Variants in FEZ2 observed in about 807,000 individuals in gnomAD.
The protein encoded by FEZ2 is fasciculation and elongation protein zeta 2.
Under a neutral mutation model 40.4 loss-of-function variants are expected in FEZ2, and 51 were observed. That is an observed-to-expected ratio of 1.26 (90% CI 1.01 to 1.59). The LOEUF (loss-of-function observed/expected upper bound fraction) is 1.59. Ranked by LOEUF, FEZ2 falls within the 40% of genes most tolerant of loss-of-function variation. The probability of loss-of-function intolerance (pLI) is 0.00; values close to 1 mark genes in which losing one functional copy is unlikely to be tolerated. For missense variants in FEZ2, 640 were observed against 438.3 expected (o/e 1.46, Z -4.11); for synonymous variants, 242 against 172.0 (o/e 1.41, Z -3.18).
intron 5 of FEZ2, among the ~76,000 whole-genome samples, chr2:36,567,175 G>A (rs1184317710): frequency 6.6e-6 from 1 of 151,992 alleles, no homozygotes; most frequent in Admixed American, 6.6e-5. Flanking sequence ...AGCTGAGGCT[G>A]TGACACTCCT....
chr2:36,597,258 G>A (rs867579275), intron 1 of FEZ2, among the ~76,000 whole-genome samples: 1 of 151,944 alleles, frequency 6.6e-6, no homozygotes, highest in Middle Eastern at 3.4e-3. Flanking sequence ...CCACCTGCCA[G>A]GCACACTCCC....
At chr2:36,561,714 G>A (rs1427542266) in intron 5 of FEZ2, among the ~76,000 whole-genome samples, 2 of 152,100 alleles carry the variant, frequency 1.3e-5, no homozygotes, top group Admixed American at 1.3e-4. Context: ...GACTAATTAA[G>A]GGGAAAGGCT....
intron 5 of FEZ2, among the ~76,000 whole-genome samples, chr2:36,566,984 T>A (rs934831655): frequency 1.3e-5 from 2 of 152,034 alleles, no homozygotes; most frequent in African/African-American, 2.4e-5. Context: ...TAGGACTAAA[T>A]AAATGAGTGC....
rs960721244 is a variant in FEZ2 at position 36,581,299 on chromosome 2, A to G, written c.625T>C (p.Tyr209His). 2.5e-6 allele frequency: 4 copies of G among 1,613,710 alleles called. No homozygotes were observed. Among genetic ancestry groups the G allele is most frequent in the Non-Finnish European group, 3.4e-6 (4 of 1,179,760 alleles). Residue 209 changes from tyrosine (Y) to histidine (H), a missense_variant, in exon 4 of 8, where the codon TAT (tyrosine) becomes CAT (histidine). Coordinates refer to ENST00000405912, the MANE Select transcript of FEZ2 (RefSeq NM_005102.3). ...CAGCAGGCTCCCTTACTCTCTTCAT[A>G]ACTGCCGGTACTAGACCTCTTGAGA... The part of the protein sequence containing the change: ...QTLKRSSTGS[Y>H]EERVKRLSVS...
intron 5 of FEZ2, among the ~76,000 whole-genome samples, chr2:36,561,654 G>A (rs1668095143): frequency 1.3e-5 from 2 of 152,288 alleles, no homozygotes; most frequent in Middle Eastern, 3.4e-3. Context: ...GCGTCTGGTG[G>A]CACCTCTATG....
At position 36,581,232 on chromosome 2, in the gene FEZ2, T is replaced by C. The variant is rs1464466351; in HGVS notation, c.634+58A>G. On this transcript the variant is annotated intron_variant, in intron 4 of 7. Coordinates refer to ENST00000405912, the MANE Select transcript of FEZ2 (RefSeq NM_005102.3). Reference sequence around the variant, plus strand: ...CAAAGCTTTCTGGAGATGATCATACTATACATTTGATACAGACAAAAAGCA... The same window carrying C: ...CAAAGCTTTCTGGAGATGATCATACCATACATTTGATACAGACAAAAAGCA... 1.3e-5 allele frequency: 20 copies of C among 1,485,196 alleles called. No homozygotes were observed. The East Asian group carries it at 2.0e-4, about 15-fold the overall frequency. 92.0% of individuals were successfully genotyped at this position (1,485,196 alleles called of 1,614,324 possible).
intron 1 of FEZ2, among the ~76,000 whole-genome samples, chr2:36,596,697 G>A (rs927995501): frequency 3.3e-5 from 5 of 152,104 alleles, no homozygotes; most frequent in African/African-American, 1.2e-4. Flanking sequence ...CGAACTGCTG[G>A]AAGCAAGCCA....
At chr2:36,564,083 T>C (rs13406184) in intron 5 of FEZ2, among the ~76,000 whole-genome samples, 49,328 of 152,074 alleles carry the variant, frequency 0.32, 8,262 homozygotes, top group Middle Eastern at 0.51. Flanking sequence ...CATAAATTGA[T>C]AGCTCCACTT....
chr2:36,558,521 G>C lies in FEZ2; in HGVS notation c.904-8C>G. On this transcript the variant is annotated splice_region_variant and splice_polypyrimidine_tract_variant and intron_variant, in intron 5 of 7. Coordinates refer to ENST00000405912, the MANE Select transcript of FEZ2 (RefSeq NM_005102.3). ...AATGACTGTAGTCAAATACTGCCAA[G>C]TTTAAAAAAAAAAAGTGTCACTTAA... 1 of 1,435,946 alleles carries C rather than the reference G, an allele frequency of 7.0e-7. No individual in the cohort carries two copies. Among genetic ancestry groups the C allele is most frequent in the Non-Finnish European group, 9.3e-7 (1 of 1,077,926 alleles). 89.0% of individuals were successfully genotyped at this position (1,435,946 alleles called of 1,614,324 possible).
rs1667855353 is a variant in FEZ2 at position 36,552,916 on chromosome 2, T to C, written c.*247A>G. 4.1e-6 allele frequency: 2 copies of C among 491,476 alleles called. No homozygotes were observed. Among genetic ancestry groups the C allele is most frequent in the South Asian group, 3.6e-5 (1 of 27,910 alleles). The allele number at this position is 491,476 out of a possible 1,614,324, so 30.4% of individuals were successfully genotyped here. A position where few individuals can be genotyped will look rare whatever the true frequency, so the allele number is the denominator to read the frequency against. On this transcript the variant is annotated 3_prime_UTR_variant, in exon 8 of 8. Transcript: ENST00000405912. Reference sequence around the variant, plus strand: ...ATGCACAATTAATATTACTCTCTCTTAATCTACTAAGAGAACAGTTTATTA... The same window carrying C: ...ATGCACAATTAATATTACTCTCTCTCAATCTACTAAGAGAACAGTTTATTA...
At chr2:36,594,776 G>C (rs1387749407) in intron 1 of FEZ2, among the ~76,000 whole-genome samples, 2 of 152,186 alleles carry the variant, frequency 1.3e-5, no homozygotes, top group African/African-American at 4.8e-5. Context: ...AGTTTGCTTT[G>C]TCTGCTGATT....
At chr2:36,596,551 G>A (rs1669228767) in intron 1 of FEZ2, among the ~76,000 whole-genome samples, 1 of 152,212 alleles carries the variant, frequency 6.6e-6, no homozygotes, top group South Asian at 2.1e-4. Context: ...TCGCCTCCAG[G>A]ACTCAAGCAA....
At chr2:36,595,594 C>A (rs559533558) in intron 1 of FEZ2, among the ~76,000 whole-genome samples, 1 of 152,190 alleles carries the variant, frequency 6.6e-6, no homozygotes, top group African/African-American at 2.4e-5. Flanking sequence ...AGTTCCAGTA[C>A]CGGTCTGTGG....
chr2:36,575,280 G>A (rs1668529427), intron 5 of FEZ2, among the ~76,000 whole-genome samples: 2 of 152,126 alleles, frequency 1.3e-5, no homozygotes, highest in South Asian at 4.1e-4. Flanking sequence ...AACCTCCTGG[G>A]CTCAAGCAAT....
chr2:36,582,772 A>C (rs1668789943), intron 3 of FEZ2, among the ~76,000 whole-genome samples: 1 of 152,206 alleles, frequency 6.6e-6, no homozygotes, highest in African/African-American at 2.4e-5. Context: ...CCGAGTAGCC[A>C]TGGAACATTT....
chr2:36,583,259 G>A (rs184531265), intron 3 of FEZ2, 94 bp downstream of exon 3: 13 of 701,078 alleles, frequency 1.9e-5, no homozygotes, highest in Non-Finnish European at 2.8e-5. Flanking sequence ...GGAAAGATAA[G>A]TAAACCAACA....
Position 36,598,109 on chromosome 2 carries a change from CAT to C in FEZ2, c.32_33del (p.Tyr11Ter), listed in dbSNP as rs1474462096. The C allele has an allele frequency of 8.7e-6, 13 of 1,490,802 alleles. No homozygotes were observed. The highest frequency in any genetic ancestry group is 1.5e-5 in the African/African-American group (1 of 68,158). The allele number at this position is 1,490,802 out of a possible 1,614,324, so 92.3% of individuals were successfully genotyped here. A position where few individuals can be genotyped will look rare whatever the true frequency, so the allele number is the denominator to read the frequency against. Reference sequence around the variant, plus strand: ...AGGCTCCGGGCCGGCTCCTGGAACTCATAGAAATCCTGCCAGTCCCCGTCCGC... The same window carrying C: ...AGGCTCCGGGCCGGCTCCTGGAACTCAGAAATCCTGCCAGTCCCCGTCCGC... MAADGDWQDF[Y>X]EFQEPARSLL... On this transcript the variant is annotated frameshift_variant, in exon 1 of 8. Transcript: ENST00000405912. LOFTEE classifies it high-confidence loss of function.
chr2:36,594,961 C>G (rs1159717391), intron 1 of FEZ2, among the ~76,000 whole-genome samples: 4 of 152,322 alleles, frequency 2.6e-5, no homozygotes, highest in African/African-American at 4.8e-5. Flanking sequence ...TGAAAGATTT[C>G]TAGAATTCTG....
chr2:36,589,417 G>A (rs1034780469), intron 2 of FEZ2, among the ~76,000 whole-genome samples: 4 of 152,224 alleles, frequency 2.6e-5, no homozygotes, highest in African/African-American at 9.6e-5. Context: ...ATGACCATCT[G>A]TCAGAGATGC....
Sources: allele counts gnomAD v4.1 joint callset (sites outside exome capture counted in the v4.1 genomes callset), GRCh38; gene constraint gnomAD v4.1.1; transcripts MANE v1.5; gene names NCBI Gene and HGNC (gene_info 2026-07-23, HGNC 2026-07-21).